Variants in SPAG16 observed in about 807,000 individuals in gnomAD.
SPAG16 encodes sperm-associated antigen 16 protein.
In SPAG16, 86 loss-of-function variants were observed where a neutral mutation model predicts 80.4. The ratio of observed to expected loss-of-function variants is 1.07; its 90% CI spans 0.90 to 1.28. SPAG16 has a LOEUF of 1.28. Among genes scored for constraint, SPAG16 ranks in the 50% most tolerant of loss-of-function variants. SPAG16 has a pLI of 0.00. For missense variants in SPAG16, 870 were observed against 765.3 expected (o/e 1.14, Z -1.61); for synonymous variants, 294 against 265.9 (o/e 1.11, Z -1.03).
intron 10 of SPAG16, among the ~76,000 whole-genome samples, chr2:213,803,967 G>A (rs907243532): frequency 1.3e-5 from 2 of 152,114 alleles, no homozygotes; most frequent in African/African-American, 4.8e-5. Context: ...TTCCTTGAGG[G>A]GAGATCCACT....
chr2:213,851,397 A>G (rs2074898897), intron 10 of SPAG16, among the ~76,000 whole-genome samples: 1 of 152,090 alleles, frequency 6.6e-6, no homozygotes, highest in Non-Finnish European at 1.5e-5. Context: ...AATCTCAGCT[A>G]CTTGAGAGTC....
intron 13 of SPAG16, among the ~76,000 whole-genome samples, chr2:214,076,762 G>C (rs2051101784): frequency 6.6e-6 from 1 of 152,100 alleles, no homozygotes; most frequent in Non-Finnish European, 1.5e-5. Context: ...TTCATAGTTT[G>C]CTTTTGGTTG....
intron 3 of SPAG16, among the ~76,000 whole-genome samples, chr2:213,307,607 G>T (rs1415680564): frequency 2.7e-5 from 4 of 150,350 alleles, no homozygotes; most frequent in African/African-American, 7.4e-5. Flanking sequence ...GTCTATCATT[G>T]TTGGACATTT....
intron 15 of SPAG16, among the ~76,000 whole-genome samples, chr2:214,163,508 G>T (rs538326771): frequency 6.6e-5 from 10 of 151,362 alleles, no homozygotes; most frequent in African/African-American, 2.2e-4. Flanking sequence ...ATATGTGTGT[G>T]TATATATAAG....
intron 10 of SPAG16, among the ~76,000 whole-genome samples, chr2:213,704,485 C>G (rs1282997967): frequency 1.3e-5 from 2 of 152,168 alleles, no homozygotes; most frequent in Non-Finnish European, 2.9e-5. Context: ...CTCTGCTACT[C>G]TGTCTCTCAA....
At chr2:213,635,313 G>A (rs559414066) in intron 10 of SPAG16, among the ~76,000 whole-genome samples, 2 of 152,224 alleles carry the variant, frequency 1.3e-5, no homozygotes, top group African/African-American at 2.4e-5. Flanking sequence ...CGGATTACAG[G>A]CGTGAGCCAC....
chr2:213,342,721 A>G (rs745696981), intron 6 of SPAG16, among the ~76,000 whole-genome samples: 2 of 151,880 alleles, frequency 1.3e-5, no homozygotes, highest in African/African-American at 4.8e-5. Context: ...TAGCTCTCCA[A>G]CTGGTACTGG....
intron 12 of SPAG16, among the ~76,000 whole-genome samples, chr2:214,002,970 G>A (rs1158352383): frequency 6.6e-6 from 1 of 152,098 alleles, no homozygotes; most frequent in Non-Finnish European, 1.5e-5. Flanking sequence ...AGAATATTAG[G>A]CATCCAATAG....
At chr2:214,381,369 G>C (rs1170539057) in intron 15 of SPAG16, among the ~76,000 whole-genome samples, 1 of 152,118 alleles carries the variant, frequency 6.6e-6, no homozygotes, top group African/African-American at 2.4e-5. Context: ...ACCTTTCCAT[G>C]TGGGCAAGTT....
intron 15 of SPAG16, among the ~76,000 whole-genome samples, chr2:214,345,124 C>T (rs934939898): frequency 2.0e-5 from 3 of 152,090 alleles, no homozygotes; most frequent in Non-Finnish European, 2.9e-5. Flanking sequence ...CTACTGAACC[C>T]GGTATCCCAG....
chr2:214,266,796 C>T (rs1275575651), intron 15 of SPAG16, among the ~76,000 whole-genome samples: 3 of 149,890 alleles, frequency 2.0e-5, no homozygotes, highest in Admixed American at 6.6e-5. Context: ...ACACTAACAA[C>T]AGACTGCCTG....
chr2:214,287,597 TGA>T (rs1382605197), intron 15 of SPAG16, among the ~76,000 whole-genome samples: 1 of 152,262 alleles, frequency 6.6e-6, no homozygotes, highest in Non-Finnish European at 1.5e-5. Flanking sequence ...ATTATTTTTT[TGA>T]GTTTCAATAT....
intron 10 of SPAG16, among the ~76,000 whole-genome samples, chr2:213,692,835 AG>A (rs2065003713): frequency 6.6e-6 from 1 of 151,676 alleles, no homozygotes; most frequent in Non-Finnish European, 1.5e-5. Flanking sequence ...AGAAAAAAAA[AG>A]TTTTATCTTG....
At chr2:213,438,722 A>T (rs980712395) in intron 9 of SPAG16, among the ~76,000 whole-genome samples, 1 of 152,220 alleles carries the variant, frequency 6.6e-6, no homozygotes, top group African/African-American at 2.4e-5. Context: ...CTTTATATGT[A>T]AAAGGGGATT....
At chr2:213,835,679 C>G (rs1294153464) in intron 10 of SPAG16, among the ~76,000 whole-genome samples, 1 of 152,022 alleles carries the variant, frequency 6.6e-6, no homozygotes, top group East Asian at 1.9e-4. Flanking sequence ...ATTTTAACCT[C>G]CATAATTATA....
chr2:213,777,240 T>TTC (rs2069651298), intron 10 of SPAG16, among the ~76,000 whole-genome samples: 1 of 129,536 alleles, frequency 7.7e-6, no homozygotes. Context: ...TGTAGGAATT[T>TTC]TTTTTTTTTT....
At chr2:214,044,996 T>C (rs1446449645) in intron 13 of SPAG16, among the ~76,000 whole-genome samples, 1 of 152,128 alleles carries the variant, frequency 6.6e-6, no homozygotes, top group African/African-American at 2.4e-5. Context: ...CAATTCCTAG[T>C]GCTGAGCTGG....
chr2:214,377,777 A>AGCACTAAG (rs1207710326), intron 15 of SPAG16, among the ~76,000 whole-genome samples: 3 of 152,184 alleles, frequency 2.0e-5, no homozygotes, highest in Non-Finnish European at 4.4e-5. Flanking sequence ...GCAGACCACA[A>AGCACTAAG]AGATCTCTCT....
intron 3 of SPAG16, among the ~76,000 whole-genome samples, chr2:213,298,112 C>T (rs1178619442): frequency 6.6e-6 from 1 of 152,094 alleles, no homozygotes; most frequent in Non-Finnish European, 1.5e-5. Flanking sequence ...CTGTAGACTT[C>T]TTCAATGTAG....
Sources: gnomAD v4.1 joint callset for allele counts (sites outside exome capture counted in the v4.1 genomes callset) on GRCh38, gnomAD v4.1.1 for gene constraint, MANE v1.5 for transcripts, NCBI Gene and HGNC (gene_info 2026-07-23, HGNC 2026-07-21) for gene names.